Variants in VPS13B observed in about 807,000 individuals in gnomAD.
VPS13B encodes the protein intermembrane lipid transfer protein VPS13B.
A neutral mutation model predicts 426.4 loss-of-function variants in VPS13B; 285 were observed. The ratio of observed to expected loss-of-function variants is 0.67; its 90% CI spans 0.61 to 0.74. The LOEUF (loss-of-function observed/expected upper bound fraction) is 0.74, where lower values mean the gene tolerates loss of function less well. Ranked by LOEUF, VPS13B falls within the 30% of genes least tolerant of loss-of-function variation. VPS13B has a pLI of 0.00. For synonymous variants in VPS13B, 1,676 were observed against 1,676.4 expected, an observed-to-expected ratio of 1.00 and a Z score of 0.01; for missense variants, 4,537 against 4,782.6, an observed-to-expected ratio of 0.95 and a Z score of 1.51.
At chr8:99,786,566 C>G (rs995848640) in intron 43 of VPS13B, among the ~76,000 whole-genome samples, 8 of 152,162 alleles carry the variant, frequency 5.3e-5, no homozygotes, top group South Asian at 4.2e-4. Context: ...AAGTATGAAC[C>G]CTTGCAAAGT....
chr8:99,616,487 G>C (rs1467077950), intron 33 of VPS13B, among the ~76,000 whole-genome samples: 2 of 152,200 alleles, frequency 1.3e-5, no homozygotes, highest in African/African-American at 2.4e-5. Context: ...CATTTCACCA[G>C]CAGAAAATAT....
chr8:99,116,297 G>A (rs1488807920), intron 7 of VPS13B, among the ~76,000 whole-genome samples: 1 of 151,776 alleles, frequency 6.6e-6, no homozygotes, highest in Non-Finnish European at 1.5e-5. Context: ...CTCCCAAAGT[G>A]CTGGGATTAC....
At chr8:99,677,740 A>T in intron 35 of VPS13B, among the ~76,000 whole-genome samples, 1 of 151,644 alleles carries the variant, frequency 6.6e-6, no homozygotes, top group East Asian at 1.9e-4. Context: ...AGTCATTTAG[A>T]TTTTTTTTTA....
chr8:99,201,207 G>C (rs1814301776), intron 17 of VPS13B, among the ~76,000 whole-genome samples: 1 of 151,926 alleles, frequency 6.6e-6, no homozygotes, highest in African/African-American at 2.4e-5. Context: ...CAAAATAACT[G>C]TATCTGACCT....
intron 19 of VPS13B, among the ~76,000 whole-genome samples, chr8:99,304,636 C>G: frequency 6.6e-6 from 1 of 152,078 alleles, no homozygotes; most frequent in East Asian, 1.9e-4. Flanking sequence ...CCCAGCACTT[C>G]CAGGTTAATT....
intron 7 of VPS13B, among the ~76,000 whole-genome samples, chr8:99,117,540 T>C (rs1233861816): frequency 6.6e-6 from 1 of 152,174 alleles, no homozygotes; most frequent in Non-Finnish European, 1.5e-5. Flanking sequence ...TGGACACAAT[T>C]GAAATGTCTG....
intron 30 of VPS13B, among the ~76,000 whole-genome samples, chr8:99,534,426 A>T (rs1823087578): frequency 6.6e-6 from 1 of 152,188 alleles, no homozygotes; most frequent in African/African-American, 2.4e-5. Flanking sequence ...GAAGCTACAG[A>T]ATAATAGAAT....
At chr8:99,041,284 C>G (rs1339935822) in intron 3 of VPS13B, among the ~76,000 whole-genome samples, 6 of 152,186 alleles carry the variant, frequency 3.9e-5, no homozygotes. Context: ...ACTTTTAAAT[C>G]TTGCAGAGTT....
At chr8:99,495,327 A>T (rs1432545633) in intron 25 of VPS13B, among the ~76,000 whole-genome samples, 1 of 152,260 alleles carries the variant, frequency 6.6e-6, no homozygotes, top group Admixed American at 6.5e-5. Flanking sequence ...TATATTTACA[A>T]TATGAGTTTG....
intron 19 of VPS13B, among the ~76,000 whole-genome samples, chr8:99,275,837 A>G (rs570576968): frequency 6.6e-6 from 1 of 152,204 alleles, no homozygotes; most frequent in Non-Finnish European, 1.5e-5. Flanking sequence ...AGAAAAATGT[A>G]TGATAGGTAG....
intron 32 of VPS13B, among the ~76,000 whole-genome samples, chr8:99,576,759 C>T (rs777488617): frequency 1.3e-5 from 2 of 152,080 alleles, no homozygotes; most frequent in Non-Finnish European, 2.9e-5. Flanking sequence ...CTTGTCTGAA[C>T]GGTTTTCCAG....
chr8:99,104,267 A>G (rs951240176), intron 5 of VPS13B, among the ~76,000 whole-genome samples: 5 of 152,222 alleles, frequency 3.3e-5, no homozygotes, highest in Admixed American at 2.0e-4. Flanking sequence ...TATAGTAAAA[A>G]TATAGTATTA....
At chr8:99,873,094 A>G (rs768316838) in intron 61 of VPS13B, 3 of 152,220 alleles carry the variant, frequency 2.0e-5, no homozygotes, top group African/African-American at 4.8e-5. Flanking sequence ...GCAAGGGATA[A>G]TATCATTACG....
chr8:99,323,763 A>G (rs966002872), intron 19 of VPS13B, among the ~76,000 whole-genome samples: 1 of 152,216 alleles, frequency 6.6e-6, no homozygotes, highest in Admixed American at 6.5e-5. Flanking sequence ...TTGTTGTTCT[A>G]AATAATTAGC....
At chr8:99,751,417 G>C (rs1289613943) in intron 39 of VPS13B, among the ~76,000 whole-genome samples, 1 of 152,072 alleles carries the variant, frequency 6.6e-6, no homozygotes, top group Non-Finnish European at 1.5e-5. Context: ...TACCAGAAAA[G>C]TATGGAATGA....
chr8:99,398,032 A>G (rs1307445891), intron 21 of VPS13B, among the ~76,000 whole-genome samples: 1 of 152,236 alleles, frequency 6.6e-6, no homozygotes, highest in Non-Finnish European at 1.5e-5. Flanking sequence ...GAAAATCAAA[A>G]GCTGAATTTT....
Position 99,823,970 on chromosome 8 carries a change from G to A in VPS13B, c.9322G>A (p.Gly3108Arg), listed in dbSNP as rs1814523416. The A allele has an allele frequency of 3.2e-5, 51 of 1,612,202 alleles. No homozygotes were observed. The highest frequency in any genetic ancestry group is 4.3e-5 in the Non-Finnish European group (51 of 1,179,756). The stretch of plus-strand genomic sequence containing the variant: ...GCTATCTGTCTGCAATCCCCATTCT[G>A]GAAAGGAGGTAAGCAAATCATAACG... ...PQLSVCNPHS[G>R]KEYFRVPDSA... The change falls in exon 51 of 62, where the codon GGA (glycine) becomes AGA (arginine). Residue 3108 changes from glycine to arginine, a missense_variant. Physicochemically the swap from Gly to Arg is moderately radical, Grantham distance 125 (BLOSUM62 -2). Transcript: ENST00000357162.
intron 19 of VPS13B, among the ~76,000 whole-genome samples, chr8:99,329,472 T>C (rs1810445303): frequency 6.6e-6 from 1 of 152,148 alleles, no homozygotes; most frequent in African/African-American, 2.4e-5. Context: ...ATTTTATGTC[T>C]ACATTTTTTT....
In VPS13B at chr8:99,868,385, C is replaced by A; in HGVS notation, c.11312C>A (p.Ser3771Ter). ...SAGHKAKGVI[S>*]GVGKGIMGVF... ...GGACACAAGGCCAAGGGTGTCATCTCGGGTGTGGGGAAAGGAATCATGGGG... is the reference window on the plus strand; with the variant it reads ...GGACACAAGGCCAAGGGTGTCATCTAGGGTGTGGGGAAAGGAATCATGGGG... The change falls in exon 59 of 62, where the codon TCG (serine) becomes TAG (stop). Residue 3771 changes from serine to a stop codon, truncating the protein, a stop_gained. Coordinates refer to ENST00000357162, the MANE Select transcript of VPS13B (RefSeq NM_152564.5). LOFTEE classifies it high-confidence loss of function. 1 of 1,614,066 alleles carries A rather than the reference C, an allele frequency of 6.2e-7. No homozygotes were observed. Among genetic ancestry groups the A allele is most frequent in the Non-Finnish European group, 8.5e-7 (1 of 1,180,000 alleles).
Sources: allele counts gnomAD v4.1 joint callset (sites outside exome capture counted in the v4.1 genomes callset), GRCh38; gene constraint gnomAD v4.1.1; transcripts MANE v1.5; gene names NCBI Gene and HGNC (gene_info 2026-07-23, HGNC 2026-07-21).